The following HTRA3 variants were observed in gnomAD, a reference collection of about 807,000 sequenced individuals.
HTRA3 encodes HtrA serine peptidase 3.
In HTRA3, 41 loss-of-function variants were observed where a neutral mutation model predicts 43.2. The ratio of observed to expected loss-of-function variants is 0.95; its 90% CI spans 0.74 to 1.23. The LOEUF (loss-of-function observed/expected upper bound fraction) is 1.23, where lower values mean the gene tolerates loss of function less well. Ranked by LOEUF, HTRA3 falls within the 50% of genes most tolerant of loss-of-function variation. The probability of loss-of-function intolerance (pLI) is 0.00; values close to 1 mark genes in which losing one functional copy is unlikely to be tolerated. For synonymous variants in HTRA3, 295 were observed against 287.9 expected, an observed-to-expected ratio of 1.02 and a Z score of -0.25; for missense variants, 628 against 647.1, an observed-to-expected ratio of 0.97 and a Z score of 0.32.
chr4:8,277,030 A>G (rs1287338227), intron 1 of HTRA3, among the ~76,000 whole-genome samples: 1 of 152,038 alleles, frequency 6.6e-6, no homozygotes, highest in African/African-American at 2.4e-5. Flanking sequence ...TGGCCCGTGG[A>G]GGGGGAGGCA....
chr4:8,305,937 C>G, intron 8 of HTRA3, 34 bp from the exon 9 acceptor site: 18 of 1,610,028 alleles, frequency 1.1e-5, no homozygotes, highest in Non-Finnish European at 1.4e-5. Flanking sequence ...CCTGGGGAGG[C>G]GGTGGGTGGT....
chr4:8,286,741 C>A lies in HTRA3; in HGVS notation c.666C>A (p.Ile222=). 1 of 1,614,068 alleles carries A rather than the reference C, an allele frequency of 6.2e-7. No homozygotes were observed. Among genetic ancestry groups the A allele is most frequent in the Non-Finnish European group, 8.5e-7 (1 of 1,179,998 alleles). ...GDSYEATIKD[I]DKKSDIATIK... ...CCTATGAGGCCACCATCAAAGACAT[C>A]GACAAGAAGTCGGACATTGCCACCA... is the stretch of plus-strand genomic sequence containing the variant. The change falls in exon 3 of 9, where the codon ATC becomes ATA. Residue 222 remains isoleucine, a synonymous_variant. Coordinates refer to ENST00000307358, the MANE Select transcript of HTRA3 (RefSeq NM_053044.5). This position sits in a 1 kb window ranked among gnomAD's most constrained non-coding sequence, Gnocchi z 4.9.
intron 3 of HTRA3, among the ~76,000 whole-genome samples, chr4:8,291,147 C>T (rs888207128): frequency 6.6e-6 from 1 of 152,194 alleles, no homozygotes; most frequent in Non-Finnish European, 1.5e-5. Context: ...TGGTCCCTGG[C>T]ACAGCTGAGC....
At chr4:8,294,477 C>G (rs571923435) in intron 6 of HTRA3, among the ~76,000 whole-genome samples, 1 of 151,716 alleles carries the variant, frequency 6.6e-6, no homozygotes, top group African/African-American at 2.4e-5. Flanking sequence ...GGGGAATCTC[C>G]GAGCTCAGCT....
At chr4:8,293,240 T>G (rs1335678226) in intron 5 of HTRA3, among the ~76,000 whole-genome samples, 2 of 152,008 alleles carry the variant, frequency 1.3e-5, no homozygotes, top group African/African-American at 4.8e-5. Context: ...TCAAGGAAGC[T>G]CGTGTGTGTG....
intron 1 of HTRA3, among the ~76,000 whole-genome samples, chr4:8,277,618 A>C (rs1164077818): frequency 1.3e-5 from 2 of 152,232 alleles, no homozygotes; most frequent in African/African-American, 4.8e-5. Flanking sequence ...CCACATGTGC[A>C]AAGGCACAGT....
Position 8,295,557 on chromosome 4 carries a change from C to G in HTRA3, c.1051+1356C>G. On this transcript the variant is annotated intron_variant, in intron 6 of 8. Coordinates refer to ENST00000307358, the MANE Select transcript of HTRA3 (RefSeq NM_053044.5). The surrounding 1 kb of genome is among the most constrained non-coding windows in gnomAD (Gnocchi z 6.9). ...CAATCGCAGGGCCTTTCCTGGGGGC[C>G]TCTCCCTCCCCACCTTCTCTTCAGC... 3 of 535,282 alleles carry G rather than the reference C, an allele frequency of 5.6e-6. No homozygotes were observed. The highest frequency in any genetic ancestry group is 8.7e-6 in the Non-Finnish European group (3 of 343,742). 33.2% of individuals were successfully genotyped at this position (535,282 alleles called of 1,614,324 possible).
chr4:8,301,238 T>A (rs62286501), intron 6 of HTRA3, among the ~76,000 whole-genome samples: 39,341 of 97,202 alleles, frequency 0.4, 6,169 homozygotes, highest in East Asian at 0.71. Context: ...ATCTTTATTA[T>A]TGATTCACAC....
intron 8 of HTRA3, 60 bp from the exon 9 acceptor site, chr4:8,305,911 G>T (rs1302898784): frequency 1.3e-6 from 2 of 1,598,618 alleles, no homozygotes; most frequent in Non-Finnish European, 1.7e-6. Context: ...TCTGGGCCGG[G>T]CCTGGGAAGG....
At chr4:8,305,027 T>C (rs2153007526) in intron 8 of HTRA3, among the ~76,000 whole-genome samples, 1 of 152,290 alleles carries the variant, frequency 6.6e-6, no homozygotes, top group African/African-American at 2.4e-5. Context: ...TGCAACACCA[T>C]AGGCTGAGGC....
chr4:8,289,012 C>T (rs1416554393), intron 3 of HTRA3, among the ~76,000 whole-genome samples: 4 of 150,438 alleles, frequency 2.7e-5, no homozygotes, highest in Admixed American at 6.7e-5. Flanking sequence ...TGCAGTGGCA[C>T]AATCACAGCT....
chr4:8,280,491 C>T (rs764276994), intron 1 of HTRA3, among the ~76,000 whole-genome samples: 1 of 152,300 alleles, frequency 6.6e-6, no homozygotes, highest in East Asian at 1.9e-4. Context: ...TTCCCAGGGG[C>T]AGGGAGGAGA....
intron 8 of HTRA3, among the ~76,000 whole-genome samples, chr4:8,304,649 T>TTTTG (rs1713773422): frequency 8.4e-6 from 1 of 119,032 alleles, no homozygotes. Flanking sequence ...TATTGTTTTT[T>TTTTG]TTTTTTTTTT....
chr4:8,280,525 C>T (rs1712701072), intron 1 of HTRA3, among the ~76,000 whole-genome samples: 1 of 152,210 alleles, frequency 6.6e-6, no homozygotes, highest in Non-Finnish European at 1.5e-5. Context: ...GGGCTGCCCA[C>T]TCGGGCCGCA....
intron 1 of HTRA3, among the ~76,000 whole-genome samples, chr4:8,273,811 G>C (rs1029949307): frequency 6.6e-6 from 1 of 151,870 alleles, no homozygotes; most frequent in Non-Finnish European, 1.5e-5. Context: ...TTGGGACTTG[G>C]TGTGGGGGTA....
At chr4:8,285,384 C>T (rs1427786858) in intron 2 of HTRA3, among the ~76,000 whole-genome samples, 2 of 152,216 alleles carry the variant, frequency 1.3e-5, no homozygotes, top group African/African-American at 4.8e-5. Context: ...TCCTGTGGGT[C>T]ACAGCGAAGC....
intron 1 of HTRA3, among the ~76,000 whole-genome samples, chr4:8,271,845 T>C (rs932546428): frequency 6.6e-6 from 1 of 152,176 alleles, no homozygotes; most frequent in African/African-American, 2.4e-5. Flanking sequence ...ACCATCACAT[T>C]GGCAACACCT....
rs761561554 is a variant in HTRA3 at position 8,286,671 on chromosome 4, C to A, written c.596C>A (p.Ala199Asp). The A allele has an allele frequency of 6.2e-7, 1 of 1,614,144 alleles. No individual in the cohort carries two copies. The highest frequency in any genetic ancestry group is 8.5e-7 in the Non-Finnish European group (1 of 1,180,006). The change falls in exon 3 of 9, where the codon GCC (alanine) becomes GAC (aspartate). Residue 199 changes from alanine (A) to aspartate (D), a missense_variant. By Grantham distance (126) the Ala-to-Asp change is moderately radical. Transcript: ENST00000307358. The surrounding 1 kb of genome is among the most constrained non-coding windows in gnomAD (Gnocchi z 4.9). Reference sequence around the variant, plus strand: ...CACGTGGTGTCCAGCAACAGTGCTGCCCCGGGCAGGCAGCAGCTCAAGGTG... The same window carrying A: ...CACGTGGTGTCCAGCAACAGTGCTGACCCGGGCAGGCAGCAGCTCAAGGTG... Reference protein sequence around the residue: ...NAHVVSSNSAAPGRQQLKVQL... With the variant: ...NAHVVSSNSADPGRQQLKVQL...
At chr4:8,293,241 C>G (rs1028337514) in intron 5 of HTRA3, among the ~76,000 whole-genome samples, 1 of 152,148 alleles carries the variant, frequency 6.6e-6, no homozygotes, top group African/African-American at 2.4e-5. Context: ...CAAGGAAGCT[C>G]GTGTGTGTGG....
Sources: allele counts gnomAD v4.1 joint callset (sites outside exome capture counted in the v4.1 genomes callset), GRCh38; gene constraint gnomAD v4.1.1; non-coding constraint Gnocchi (gnomAD v3.1); transcripts MANE v1.5; gene names NCBI Gene and HGNC (gene_info 2026-07-23, HGNC 2026-07-21).